NLGN1: variants seen among roughly 807,000 people sequenced by gnomAD.
NLGN1 encodes the protein neuroligin-1.
Under a neutral mutation model 65.5 loss-of-function variants are expected in NLGN1, and 12 were observed. The ratio of observed to expected loss-of-function variants is 0.18; its 90% confidence interval spans 0.12 to 0.30. The LOEUF (loss-of-function observed/expected upper bound fraction) is 0.30. NLGN1 is among the 10% of genes least tolerant of loss of function. The pLI, the probability that NLGN1 is intolerant of heterozygous loss-of-function variation, is 1.00. For synonymous variants in NLGN1, 350 were observed against 359.5 expected (o/e 0.97, Z 0.30); for missense variants, 750 against 1,007.1 (o/e 0.74, Z 3.46).
chr3:173,971,586 AT>A (rs1182758119), intron 4 of NLGN1, among the ~76,000 whole-genome samples: 1 of 152,044 alleles, frequency 6.6e-6, no homozygotes, highest in Non-Finnish European at 1.5e-5. Context: ...TTAGTTAAAA[AT>A]TTCCCCCCAA....
intron 2 of NLGN1, among the ~76,000 whole-genome samples, chr3:173,523,545 G>C (rs1445776293): frequency 6.6e-6 from 1 of 151,556 alleles, no homozygotes; most frequent in Non-Finnish European, 1.5e-5. Context: ...TGTCAACTTT[G>C]TCAAAGATTA....
At chr3:174,156,727 AATATTAAC>A (rs1725513714) in intron 4 of NLGN1, among the ~76,000 whole-genome samples, 1 of 151,716 alleles carries the variant, frequency 6.6e-6, no homozygotes, top group Non-Finnish European at 1.5e-5. Context: ...TGATATTGAT[AATATTAAC>A]AAAGTCTGAC....
At chr3:174,268,618 A>G (rs1748734256) in intron 4 of NLGN1, among the ~76,000 whole-genome samples, 1 of 152,146 alleles carries the variant, frequency 6.6e-6, no homozygotes, top group African/African-American at 2.4e-5. Flanking sequence ...GAGTTACAAG[A>G]TGTTAACATT....
intron 4 of NLGN1, among the ~76,000 whole-genome samples, chr3:174,028,839 G>T (rs750580351): frequency 6.6e-6 from 1 of 152,176 alleles, no homozygotes; most frequent in Non-Finnish European, 1.5e-5. Context: ...CTCATCACAG[G>T]CCTGGAGGCT....
chr3:174,208,670 A>G (rs1735875132), intron 4 of NLGN1, among the ~76,000 whole-genome samples: 1 of 151,814 alleles, frequency 6.6e-6, no homozygotes, highest in African/African-American at 2.4e-5. Flanking sequence ...TAGGGAAAAA[A>G]AAAAAAAAAA....
intron 4 of NLGN1, among the ~76,000 whole-genome samples, chr3:173,934,157 A>G (rs1240637928): frequency 6.6e-6 from 1 of 150,826 alleles, no homozygotes; most frequent in African/African-American, 2.4e-5. Flanking sequence ...ATTTTCCAGA[A>G]TCATTAAAAA....
intron 4 of NLGN1, among the ~76,000 whole-genome samples, chr3:174,073,253 A>ATGG (rs1740275042): frequency 1.3e-5 from 2 of 152,168 alleles, no homozygotes; most frequent in African/African-American, 4.8e-5. Context: ...TTCTTTTAGA[A>ATGG]CATTATTCCA....
At chr3:174,236,024 T>TGA (rs577367290) in intron 4 of NLGN1, among the ~76,000 whole-genome samples, 51 of 152,302 alleles carry the variant, frequency 3.3e-4, no homozygotes, top group African/African-American at 1.1e-3. Flanking sequence ...GTTGGACTCT[T>TGA]ATTCACTGCT....
At chr3:173,601,348 A>T (rs1205616614) in intron 2 of NLGN1, among the ~76,000 whole-genome samples, 6 of 152,084 alleles carry the variant, frequency 3.9e-5, no homozygotes, top group African/African-American at 1.4e-4. Flanking sequence ...CTTAGGTGTC[A>T]ATTAAATAAT....
At chr3:173,673,911 A>G (rs1762789247) in intron 3 of NLGN1, among the ~76,000 whole-genome samples, 1 of 152,058 alleles carries the variant, frequency 6.6e-6, no homozygotes, top group African/African-American at 2.4e-5. Flanking sequence ...CTCCATTACA[A>G]ATTTTGGGGG....
chr3:173,863,147 ACTTT>A (rs1317933872), intron 4 of NLGN1, among the ~76,000 whole-genome samples: 1 of 151,894 alleles, frequency 6.6e-6, no homozygotes, highest in African/African-American at 2.4e-5. Flanking sequence ...AAAAAAAAAA[ACTTT>A]CTTCTATTTT....
At chr3:174,229,413 C>T (rs1318262275) in intron 4 of NLGN1, among the ~76,000 whole-genome samples, 3 of 151,906 alleles carry the variant, frequency 2.0e-5, no homozygotes, top group Admixed American at 6.6e-5. Flanking sequence ...CTTCTCTTTC[C>T]GCATCTCCAT....
intron 4 of NLGN1, among the ~76,000 whole-genome samples, chr3:174,074,882 C>A (rs946605389): frequency 2.0e-5 from 3 of 152,136 alleles, no homozygotes; most frequent in Admixed American, 6.6e-5. Context: ...ACCACTGAGC[C>A]GTGGGCTTCT....
At chr3:173,719,689 C>G (rs1770501899) in intron 3 of NLGN1, among the ~76,000 whole-genome samples, 1 of 152,172 alleles carries the variant, frequency 6.6e-6, no homozygotes, top group East Asian at 1.9e-4. Flanking sequence ...TGACACTATG[C>G]TGGAGACAGA....
chr3:174,283,502 A>G (rs1002590195), exon 7 of NLGN1: 1 of 151,484 alleles, frequency 6.6e-6, no homozygotes, highest in Non-Finnish European at 1.5e-5. Flanking sequence ...TTCATGGAAT[A>G]CAAATAACTA....
intron 4 of NLGN1, among the ~76,000 whole-genome samples, chr3:173,934,358 CTTGT>C (rs1469014939): frequency 6.7e-6 from 1 of 150,180 alleles, no homozygotes; most frequent in Non-Finnish European, 1.5e-5. Context: ...TGATATCTAA[CTTGT>C]TTATTTCATT....
chr3:174,236,598 T>C (rs1741761826), intron 4 of NLGN1, among the ~76,000 whole-genome samples: 1 of 152,134 alleles, frequency 6.6e-6, no homozygotes, highest in African/African-American at 2.4e-5. Context: ...ATGCTGTTCT[T>C]AGTGCTTGCT....
At chr3:173,536,130 A>T (rs2221092) in intron 2 of NLGN1, among the ~76,000 whole-genome samples, 7,541 of 152,148 alleles carry the variant, frequency 0.05, 230 homozygotes, top group Middle Eastern at 0.17. Flanking sequence ...TCCTTTTCTG[A>T]TGATTCCTGT....
At chr3:174,179,007 A>G (rs1197784406) in intron 4 of NLGN1, among the ~76,000 whole-genome samples, 1 of 152,076 alleles carries the variant, frequency 6.6e-6, no homozygotes, top group Non-Finnish European at 1.5e-5. Context: ...CTTTTTTCAG[A>G]TTACTTTTTA....
Sources: gnomAD v4.1 joint callset for allele counts (sites outside exome capture counted in the v4.1 genomes callset) on GRCh38, gnomAD v4.1.1 for gene constraint, MANE v1.5 for transcripts, NCBI Gene and HGNC (gene_info 2026-07-23, HGNC 2026-07-21) for gene names.